The following CYRIB variants were observed in gnomAD, a reference collection of about 807,000 sequenced individuals.
CYRIB encodes the protein CYFIP-related Rac1 interactor B.
CYRIB carries 8 observed loss-of-function variants against 44.2 expected under a neutral mutation model. That is an observed-to-expected ratio of 0.18 (90% CI 0.11 to 0.33). The LOEUF is 0.33. Ranked by LOEUF, CYRIB falls within the 10% of genes least tolerant of loss-of-function variation. CYRIB has a pLI of 1.00. For synonymous variants in CYRIB, 131 were observed against 127.2 expected (o/e 1.03, Z -0.20); for missense variants, 185 against 382.8 (o/e 0.48, Z 4.31).
At chr8:129,852,497 C>T (rs994110370) in intron 7 of CYRIB, among the ~76,000 whole-genome samples, 1 of 151,916 alleles carries the variant, frequency 6.6e-6, no homozygotes, top group East Asian at 1.9e-4. Flanking sequence ...TAAATAAAAC[C>T]TTGATGAACT....
intron 1 of CYRIB, among the ~76,000 whole-genome samples, chr8:129,990,680 C>T (rs77070384): frequency 6.6e-6 from 1 of 152,042 alleles, no homozygotes; most frequent in African/African-American, 2.4e-5. Flanking sequence ...TGCCACTACA[C>T]CTAGCTAATT....
Position 129,875,189 on chromosome 8 carries a change from A to G in CYRIB, c.74-3693T>C, listed in dbSNP as rs79904357. 1.6e-3 allele frequency among the ~76,000 whole-genome samples: 238 copies of G among 152,254 alleles called. 4 individuals are homozygous for G. The East Asian group carries it at 0.042, about 27-fold the overall frequency. On this transcript the variant is annotated intron_variant, in intron 3 of 11. Transcript: ENST00000519824. ...CTGAGGCTAAAGATTTGTCATTAGA[A>G]TAAGCTATAAATTAACACTGTTGTT...
Position 129,887,695 on chromosome 8 carries a change from T to C in CYRIB, c.-10-8224A>G, listed in dbSNP as rs563953131. Among the ~76,000 whole-genome samples, 70 of 152,306 alleles carry C rather than the reference T, an allele frequency of 4.6e-4. No homozygotes were observed. The Middle Eastern group carries it at 0.014, about 30-fold the overall frequency. On this transcript the variant is annotated intron_variant, in intron 2 of 11. Coordinates refer to ENST00000519824, the Ensembl canonical transcript of CYRIB. ...ATTAGGAGCCCACCCCTTACATCAG[T>C]GTGGCCTGGATATGAGACACGGAGT...
chr8:129,960,313 G>A (rs1329194887), intron 2 of CYRIB, among the ~76,000 whole-genome samples: 5 of 152,170 alleles, frequency 3.3e-5, no homozygotes, highest in African/African-American at 1.2e-4. Flanking sequence ...AACAAATCAC[G>A]ATCAGGCGCA....
chr8:129,845,476 C>T (rs1255279355), intron 11 of CYRIB, among the ~76,000 whole-genome samples: 5 of 152,164 alleles, frequency 3.3e-5, no homozygotes, highest in African/African-American at 4.8e-5. Flanking sequence ...AAAAACTAGG[C>T]TTATGGTTAA....
intron 1 of CYRIB, among the ~76,000 whole-genome samples, chr8:129,977,699 T>TTTTTTTGTA (rs1026333096): frequency 2.0e-5 from 3 of 151,770 alleles, no homozygotes; most frequent in African/African-American, 7.3e-5. Context: ...GCCCGGCTAA[T>TTTTTTTGTA]TTTTTTGTAT....
chr8:129,992,093 T>C (rs2096653760), intron 1 of CYRIB, among the ~76,000 whole-genome samples: 1 of 151,572 alleles, frequency 6.6e-6, no homozygotes, highest in Admixed American at 6.6e-5. Flanking sequence ...GGCTGAGGCA[T>C]GCAGAGTGCT....
chr8:129,969,302 C>T (rs1002420772), intron 2 of CYRIB, among the ~76,000 whole-genome samples: 1 of 152,228 alleles, frequency 6.6e-6, no homozygotes, highest in African/African-American at 2.4e-5. Context: ...GCGTGAGCCA[C>T]CGCGGCCGGC....
At chr8:129,946,731 C>A (rs1240871915) in intron 2 of CYRIB, among the ~76,000 whole-genome samples, 1 of 152,216 alleles carries the variant, frequency 6.6e-6, no homozygotes, top group East Asian at 1.9e-4. Flanking sequence ...CTATGAGCCT[C>A]CGGCACATCT....
At chr8:129,851,175 G>A in intron 8 of CYRIB, 3 of 432,936 alleles carry the variant, frequency 6.9e-6, no homozygotes, top group South Asian at 5.3e-5. Context: ...ATGCAGACAG[G>A]GGGTCAAAGG....
chr8:129,995,944 C>T (rs1471573579), intron 1 of CYRIB, among the ~76,000 whole-genome samples: 3 of 152,214 alleles, frequency 2.0e-5, no homozygotes, highest in Non-Finnish European at 2.9e-5. Flanking sequence ...GACCCCAACA[C>T]GCCAGTTGGC....
At chr8:129,878,821 C>G (rs1394350638) in intron 3 of CYRIB, among the ~76,000 whole-genome samples, 1 of 152,048 alleles carries the variant, frequency 6.6e-6, no homozygotes, top group Non-Finnish European at 1.5e-5. Context: ...CATTTAGAGT[C>G]AGAAAAAATA....
rs144508434 is a variant in CYRIB, at chr8:129,974,868, G to A, written c.-295-3873C>T. On this transcript the variant is annotated intron_variant, in intron 1 of 14. Coordinates refer to the CYRIB transcript ENST00000401979. Reference sequence around the variant, plus strand: ...CCCAAGTAGCTGTGACCACAGGCACGTGCCACCACACCCAGATAATTTTTT... The same window carrying A: ...CCCAAGTAGCTGTGACCACAGGCACATGCCACCACACCCAGATAATTTTTT... 7.3e-3 allele frequency among the ~76,000 whole-genome samples: 1,100 copies of A among 151,070 alleles called. 12 individuals carry two copies. Among genetic ancestry groups the A allele is most frequent in the African/African-American group, 0.024 (999 of 41,050 alleles).
chr8:129,972,326 C>A (rs1259097254), intron 1 of CYRIB, among the ~76,000 whole-genome samples: 1 of 152,158 alleles, frequency 6.6e-6, no homozygotes, highest in Non-Finnish European at 1.5e-5. Context: ...AGGCCAGGCA[C>A]GGTGGCTCAC....
chr8:129,977,912 T>C (rs2096024898), intron 1 of CYRIB, among the ~76,000 whole-genome samples: 1 of 151,978 alleles, frequency 6.6e-6, no homozygotes, highest in African/African-American at 2.4e-5. Context: ...ATTAATTTTA[T>C]TGATTTATTT....
intron 2 of CYRIB, among the ~76,000 whole-genome samples, chr8:129,887,244 T>G (rs1023723613): frequency 6.6e-6 from 1 of 152,024 alleles, no homozygotes; most frequent in African/African-American, 2.4e-5. Flanking sequence ...GCTAAAACAG[T>G]CCTAGATTAT....
At chr8:129,857,007 G>T (rs1213562989) in intron 5 of CYRIB, among the ~76,000 whole-genome samples, 1 of 152,154 alleles carries the variant, frequency 6.6e-6, no homozygotes, top group Non-Finnish European at 1.5e-5. Context: ...AACAATAGTA[G>T]GTACTTCCTG....
At chr8:130,000,241 C>T (rs7016345) in intron 1 of CYRIB, among the ~76,000 whole-genome samples, 88,135 of 152,056 alleles carry the variant, frequency 0.58, 27,959 homozygotes, top group African/African-American at 0.86. Flanking sequence ...GGGATAGAGA[C>T]GGGGAAGACA....
intron 1 of CYRIB, among the ~76,000 whole-genome samples, chr8:129,933,779 T>A (rs1379771848): frequency 6.6e-6 from 1 of 151,528 alleles, no homozygotes; most frequent in African/African-American, 2.4e-5. Context: ...GAGGCTGAGG[T>A]AGGAGAATCA....
Sources: gnomAD v4.1 joint callset for allele counts (sites outside exome capture counted in the v4.1 genomes callset) on GRCh38, gnomAD v4.1.1 for gene constraint, MANE v1.5 for transcripts, NCBI Gene and HGNC (gene_info 2026-07-23, HGNC 2026-07-21) for gene names.